Variants in PRPF18 observed in about 807,000 individuals in gnomAD.
The protein encoded by PRPF18 is pre-mRNA-splicing factor 18.
Under a neutral mutation model 46.5 loss-of-function variants are expected in PRPF18, and 38 were observed. The observed-to-expected ratio is 0.82, with a 90% confidence interval of 0.63 to 1.07. PRPF18 has a LOEUF of 1.07. Ranked by LOEUF, PRPF18 falls within the 50% of genes least tolerant of loss-of-function variation. The probability of loss-of-function intolerance (pLI) is 0.00; values close to 1 mark genes in which losing one functional copy is unlikely to be tolerated. For missense variants in PRPF18, 263 were observed against 410.0 expected (o/e 0.64, Z 3.10); for synonymous variants, 152 against 146.7 (o/e 1.04, Z -0.26).
intron 9 of PRPF18, among the ~76,000 whole-genome samples, chr10:13,624,112 G>A (rs1229367643): frequency 3.3e-5 from 5 of 152,162 alleles, no homozygotes; most frequent in Non-Finnish European, 7.4e-5. Context: ...AGCCTCCTGA[G>A]TAGCTGGGTG....
intron 1 of PRPF18, among the ~76,000 whole-genome samples, chr10:13,589,222 G>A (rs140910038): frequency 3.7e-3 from 558 of 152,318 alleles, no homozygotes; most frequent in Admixed American, 6.5e-3. Context: ...ACTTTGTTCA[G>A]TTTGGGGAAG....
At chr10:13,644,588 T>G in the PRPF18 span, 1 of 152,206 alleles carries the variant, frequency 6.6e-6, no homozygotes, top group Non-Finnish European at 1.5e-5. Flanking sequence ...TCCTTGCAAC[T>G]CCAGTGGGCT....
At chr10:13,608,868 C>T (rs964814228) in intron 4 of PRPF18, among the ~76,000 whole-genome samples, 1 of 152,084 alleles carries the variant, frequency 6.6e-6, no homozygotes, top group African/African-American at 2.4e-5. Flanking sequence ...ATTATTTGGC[C>T]GTTGGCAAGT....
chr10:13,654,406 G>T, the PRPF18 span: 1 of 1,557,332 alleles, frequency 6.4e-7, no homozygotes, highest in Non-Finnish European at 8.9e-7. Context: ...AACATAGAAG[G>T]AGAACTCACC....
intron 5 of PRPF18, among the ~76,000 whole-genome samples, chr10:13,610,771 T>C (rs767660503): frequency 1.3e-5 from 2 of 152,190 alleles, no homozygotes; most frequent in Non-Finnish European, 2.9e-5. Flanking sequence ...TTTATATATG[T>C]ATATTTAACT....
In PRPF18 at chr10:13,613,615, G is replaced by T. The variant is rs150820470; in HGVS notation, c.580-126G>T. ...GAACTAGCTTATTCTATATTATTTGGTGGCATTTTAATCAAGACATTTACT... is the reference window on the plus strand; with the variant it reads ...GAACTAGCTTATTCTATATTATTTGTTGGCATTTTAATCAAGACATTTACT... On this transcript the variant is annotated intron_variant, in intron 6 of 9. Coordinates refer to ENST00000378572, the MANE Select transcript of PRPF18 (RefSeq NM_003675.4). 4 of 1,038,220 alleles carry T rather than the reference G, an allele frequency of 3.9e-6. 1 individual carries two copies. Among genetic ancestry groups the T allele is most frequent in the Non-Finnish European group, 5.6e-6 (4 of 717,748 alleles). 64.3% of individuals were successfully genotyped at this position (1,038,220 alleles called of 1,614,324 possible).
intron 9 of PRPF18, among the ~76,000 whole-genome samples, chr10:13,621,477 T>G (rs2080419092): frequency 6.6e-6 from 1 of 152,142 alleles, no homozygotes; most frequent in African/African-American, 2.4e-5. Flanking sequence ...CTACCCTCCC[T>G]AGGTTCCAGT....
intron 1 of PRPF18, among the ~76,000 whole-genome samples, chr10:13,588,450 G>A (rs2079909008): frequency 6.6e-6 from 1 of 151,378 alleles, no homozygotes; most frequent in African/African-American, 2.4e-5. Context: ...GGTGGTGCGC[G>A]CGTCTAGTCC....
intron 9 of PRPF18, among the ~76,000 whole-genome samples, chr10:13,620,115 C>G (rs764200810): frequency 2.0e-5 from 3 of 152,098 alleles, no homozygotes; most frequent in Non-Finnish European, 4.4e-5. Context: ...AAAAAAAAGA[C>G]AATTTATTAT....
At chr10:13,643,763 A>C in the PRPF18 span, 1 of 152,684 alleles carries the variant, frequency 6.5e-6, no homozygotes, top group South Asian at 2.1e-4. Flanking sequence ...GCAAAATGTA[A>C]AGGTACTATA....
intron 9 of PRPF18, among the ~76,000 whole-genome samples, chr10:13,622,439 T>C (rs575204471): frequency 1.3e-5 from 2 of 152,262 alleles, no homozygotes; most frequent in Non-Finnish European, 2.9e-5. Flanking sequence ...AACCACACGG[T>C]TGGAAAAAAA....
At chr10:13,587,422 G>T (rs1403466018) in intron 1 of PRPF18, among the ~76,000 whole-genome samples, 1 of 152,218 alleles carries the variant, frequency 6.6e-6, no homozygotes, top group East Asian at 1.9e-4. Context: ...GGGTCTGGGG[G>T]CGGGAACCTG....
the PRPF18 span, among the ~76,000 whole-genome samples, chr10:13,635,908 C>G: frequency 2.0e-5 from 3 of 151,872 alleles, no homozygotes; most frequent in Non-Finnish European, 4.4e-5. Context: ...GATTATAGAA[C>G]CTACAGTACT....
Position 13,613,655 on chromosome 10 carries a change from A to G in PRPF18, c.580-86A>G, listed in dbSNP as rs2080302230. On this transcript the variant is annotated intron_variant, in intron 6 of 9. Coordinates refer to ENST00000378572, the MANE Select transcript of PRPF18 (RefSeq NM_003675.4). Reference sequence around the variant, plus strand: ...AGACATTTACTTTAAGGATGATTGTATTCTGTTTTTGTGTGCTAGAGAGCA... The same window carrying G: ...AGACATTTACTTTAAGGATGATTGTGTTCTGTTTTTGTGTGCTAGAGAGCA... 7 of 1,345,158 alleles carry G rather than the reference A, an allele frequency of 5.2e-6. No individual in the cohort carries two copies. The East Asian group carries it at 9.3e-5, about 18-fold the overall frequency. 83.3% of individuals were successfully genotyped at this position (1,345,158 alleles called of 1,614,324 possible). A position where few individuals can be genotyped will look rare whatever the true frequency, so the allele number is the denominator to read the frequency against.
chr10:13,613,978 A>G lies in PRPF18; in HGVS notation c.721-37A>G, dbSNP rs1334086483. 4.5e-6 allele frequency: 7 copies of G among 1,554,034 alleles called. No individual in the cohort carries two copies. In the South Asian group the frequency reaches 7.2e-5, roughly 16 times the overall value. ...CTGTTTTTTCCCTATACATCTATAC[A>G]TAGTAGCTTCCAAAATTTCTTATTT... On this transcript the variant is annotated intron_variant, in intron 7 of 9. Coordinates refer to ENST00000378572, the MANE Select transcript of PRPF18 (RefSeq NM_003675.4).
chr10:13,595,383 A>T (rs1268435575), intron 1 of PRPF18, among the ~76,000 whole-genome samples: 1 of 117,306 alleles, frequency 8.5e-6, no homozygotes, highest in Non-Finnish European at 1.8e-5. Context: ...CGGCCTGGAG[A>T]GTGTTTTTTC....
chr10:13,635,008 G>A (rs541808866), downstream of PRPF18, among the ~76,000 whole-genome samples: 33 of 152,132 alleles, frequency 2.2e-4, no homozygotes, highest in East Asian at 3.9e-3. Flanking sequence ...TATTAAGCCC[G>A]GCATCCACTA....
intron 3 of PRPF18, among the ~76,000 whole-genome samples, chr10:13,604,228 C>A (rs1272086284): frequency 6.6e-6 from 1 of 152,148 alleles, no homozygotes; most frequent in African/African-American, 2.4e-5. Context: ...GGAGCCCTCT[C>A]AATGGATTTT....
the PRPF18 span, chr10:13,651,677 C>T: frequency 1.8e-6 from 1 of 543,572 alleles, no homozygotes; most frequent in East Asian, 3.2e-5. Flanking sequence ...TGTCTCAAAA[C>T]AAAACATACT....
Sources: allele counts gnomAD v4.1 joint callset (sites outside exome capture counted in the v4.1 genomes callset), GRCh38; gene constraint gnomAD v4.1.1; transcripts MANE v1.5; gene names NCBI Gene and HGNC (gene_info 2026-07-23, HGNC 2026-07-21).